FAM210A: variants seen among roughly 807,000 people sequenced by gnomAD.
FAM210A encodes family with sequence similarity 210 member A.
A neutral mutation model predicts 25.3 loss-of-function variants in FAM210A; 13 were observed. The ratio of observed to expected loss-of-function variants is 0.51; its 90% CI spans 0.33 to 0.82. The LOEUF is 0.82. FAM210A is among the 40% of genes least tolerant of loss of function. The pLI is 0.02. For missense variants in FAM210A, 319 were observed against 323.2 expected (o/e 0.99, Z 0.10); for synonymous variants, 125 against 118.7 (o/e 1.05, Z -0.35).
intron 1 of FAM210A, among the ~76,000 whole-genome samples, chr18:13,723,622 G>A (rs1007752944): frequency 1.3e-5 from 2 of 152,114 alleles, no homozygotes; most frequent in African/African-American, 2.4e-5. Context: ...ATTATTTAGG[G>A]TAATATCCTT....
chr18:13,703,408 T>C lies in FAM210A; in HGVS notation c.-28-21303A>G, dbSNP rs1233373995. ...CTAATTACAAATGGGCTGATTGGTT[T>C]TGGGATGCCATACAATTAAATGCAC... On this transcript the variant is annotated intron_variant, in intron 1 of 3. Transcript: ENST00000651643. Among the ~76,000 whole-genome samples the C allele has an allele frequency of 2.6e-5, 4 of 152,226 alleles. No homozygotes were observed. The South Asian group carries it at 8.3e-4, about 31-fold the overall frequency.
At chr18:13,688,266 G>A (rs2149059620) in intron 1 of FAM210A, among the ~76,000 whole-genome samples, 1 of 152,288 alleles carries the variant, frequency 6.6e-6, no homozygotes, top group East Asian at 1.9e-4. Flanking sequence ...CTCCCAATTG[G>A]TTCTTTCTGA....
intron 2 of FAM210A, among the ~76,000 whole-genome samples, chr18:13,681,027 C>T (rs748421711): frequency 9.2e-5 from 14 of 152,106 alleles, no homozygotes; most frequent in South Asian, 2.1e-4. Flanking sequence ...ACAAATTAGC[C>T]GGACTTTGGC....
At chr18:13,707,916 ATCT>A (rs1555791238) in intron 1 of FAM210A, among the ~76,000 whole-genome samples, 2 of 151,916 alleles carry the variant, frequency 1.3e-5, no homozygotes, top group Non-Finnish European at 2.9e-5. Context: ...TTGTCTATAA[ATCT>A]TCTTCCACCA....
chr18:13,665,335 G>A lies in FAM210A; in HGVS notation c.*1145C>T, dbSNP rs978640360. The A allele has an allele frequency of 1.5e-5, 2 of 133,532 alleles. No individual in the cohort carries two copies. The highest frequency in any genetic ancestry group is 5.7e-5 in the African/African-American group (2 of 35,120). 8.3% of individuals were successfully genotyped at this position (133,532 alleles called of 1,614,324 possible). ...GCAGAGGATGCAGTGAGCCGAGATT[G>A]TACCATTGCACTCCAGTCTGGGAGA... On this transcript the variant is annotated 3_prime_UTR_variant, in exon 4 of 4. Coordinates refer to ENST00000651643, the MANE Select transcript of FAM210A (RefSeq NM_152352.4).
intron 1 of FAM210A, among the ~76,000 whole-genome samples, chr18:13,706,648 T>G (rs1466735840): frequency 6.6e-6 from 1 of 152,238 alleles, no homozygotes; most frequent in East Asian, 1.9e-4. Context: ...AAAGAGGGAA[T>G]GATTTAAAAT....
At chr18:13,704,286 G>T (rs187341989) in intron 1 of FAM210A, among the ~76,000 whole-genome samples, 2 of 152,220 alleles carry the variant, frequency 1.3e-5, no homozygotes, top group East Asian at 1.9e-4. Flanking sequence ...AAAACTAAAG[G>T]TTTAAGTTGC....
At chr18:13,711,958 C>G (rs1316122111) in intron 1 of FAM210A, among the ~76,000 whole-genome samples, 4 of 152,150 alleles carry the variant, frequency 2.6e-5, no homozygotes, top group Admixed American at 6.5e-5. Context: ...CCCTTGTACT[C>G]AGCAATTTAT....
rs1262736849 is a variant in FAM210A, at chr18:13,666,493, T to C, written c.806A>G (p.Lys269Arg). 6.2e-7 allele frequency: 1 copy of C among 1,613,482 alleles called. No individual in the cohort carries two copies. Among genetic ancestry groups the C allele is most frequent in the Non-Finnish European group, 8.5e-7 (1 of 1,179,780 alleles). Residue 269 changes from lysine to arginine, a missense_variant, in exon 4 of 4, where the codon AAA becomes AGA. By Grantham distance (26) the Lys-to-Arg change is conservative (BLOSUM62 2). Coordinates refer to ENST00000651643, the MANE Select transcript of FAM210A (RefSeq NM_152352.4). ...QETKEKVSFK[K>R]KVE ...ATATAAGGCACCTTATTCCACTTTT[T>C]TCTTAAAGGAAACTTTTTCTTTGGT... is the stretch of plus-strand genomic sequence containing the variant.
At chr18:13,690,074 C>T (rs2043630313) in intron 1 of FAM210A, among the ~76,000 whole-genome samples, 1 of 152,200 alleles carries the variant, frequency 6.6e-6, no homozygotes, top group Non-Finnish European at 1.5e-5. Flanking sequence ...TGCGCTTTTC[C>T]AACGGCCTTA....
intron 1 of FAM210A, among the ~76,000 whole-genome samples, chr18:13,716,070 TATTTTA>T (rs1407525142): frequency 6.6e-6 from 1 of 152,260 alleles, no homozygotes; most frequent in Non-Finnish European, 1.5e-5. Flanking sequence ...CTAATTTTTC[TATTTTA>T]ATTTTAATTA....
chr18:13,715,088 A>G (rs1397448945), intron 1 of FAM210A: 2 of 152,010 alleles, frequency 1.3e-5, no homozygotes, highest in African/African-American at 4.8e-5. Context: ...ATATTTATTT[A>G]TTTTTTCAGA....
At chr18:13,685,077 C>CAAA (rs929482676) in intron 1 of FAM210A, among the ~76,000 whole-genome samples, 5 of 152,058 alleles carry the variant, frequency 3.3e-5, no homozygotes, top group African/African-American at 1.2e-4. Flanking sequence ...AAACTTTGAC[C>CAAA]TTTTTCCTCT....
intron 1 of FAM210A, among the ~76,000 whole-genome samples, chr18:13,723,689 A>G (rs2043913608): frequency 6.6e-6 from 1 of 152,238 alleles, no homozygotes. Flanking sequence ...CCATCATAGC[A>G]TCAACCAAAC....
At chr18:13,682,337 C>T (rs976054358) in intron 1 of FAM210A, among the ~76,000 whole-genome samples, 1 of 152,154 alleles carries the variant, frequency 6.6e-6, no homozygotes, top group African/African-American at 2.4e-5. Context: ...GAGGCCAAGG[C>T]GGGTGGATCA....
At chr18:13,673,557 A>G (rs1224907654) in intron 2 of FAM210A, among the ~76,000 whole-genome samples, 30 of 142,074 alleles carry the variant, frequency 2.1e-4, no homozygotes, top group South Asian at 4.5e-4. Context: ...CTGAGCCCCG[A>G]CTTCTTTATT....
intron 1 of FAM210A, among the ~76,000 whole-genome samples, chr18:13,721,185 C>A (rs1229560389): frequency 6.6e-6 from 1 of 152,160 alleles, no homozygotes; most frequent in East Asian, 1.9e-4. Flanking sequence ...GGAAAGTTGA[C>A]ATTCCCGAGG....
chr18:13,709,113 C>T (rs1173883155), intron 1 of FAM210A, among the ~76,000 whole-genome samples: 3 of 152,212 alleles, frequency 2.0e-5, no homozygotes, highest in Admixed American at 2.0e-4. Context: ...ACATTCTGCT[C>T]AGAAACTATT....
At chr18:13,671,001 A>G (rs1412262574) in intron 3 of FAM210A, 1 of 152,704 alleles carries the variant, frequency 6.5e-6, no homozygotes, top group African/African-American at 2.4e-5. Flanking sequence ...CGTCTCAAAA[A>G]AGTTGTCTGA....
Sources: gnomAD v4.1 joint callset for allele counts (sites outside exome capture counted in the v4.1 genomes callset) on GRCh38, gnomAD v4.1.1 for gene constraint, MANE v1.5 for transcripts, NCBI Gene and HGNC (gene_info 2026-07-23, HGNC 2026-07-21) for gene names.